ARL15: variants seen among roughly 807,000 people sequenced by gnomAD.
The protein encoded by ARL15 is ADP-ribosylation factor-like protein 15.
In ARL15, 19 loss-of-function variants were observed where a neutral mutation model predicts 25.2. The ratio of observed to expected loss-of-function variants is 0.75; its 90% CI spans 0.53 to 1.10. The LOEUF (loss-of-function observed/expected upper bound fraction) is 1.10. Ranked by LOEUF, ARL15 falls within the 50% of genes least tolerant of loss-of-function variation. ARL15 has a pLI of 0.00. For synonymous variants in ARL15, 94 were observed against 86.8 expected, an observed-to-expected ratio of 1.08 and a Z score of -0.46; for missense variants, 220 against 246.0, an observed-to-expected ratio of 0.89 and a Z score of 0.71.
chr5:53,908,033 T>G (rs1745328990), intron 4 of ARL15, among the ~76,000 whole-genome samples: 1 of 152,190 alleles, frequency 6.6e-6, no homozygotes, highest in African/African-American at 2.4e-5. Context: ...GTCATAACTA[T>G]AGACAATAGT....
chr5:54,063,590 G>A (rs1751131533), intron 4 of ARL15, among the ~76,000 whole-genome samples: 1 of 152,096 alleles, frequency 6.6e-6, no homozygotes, highest in Non-Finnish European at 1.5e-5. Context: ...TGGTGTTGAG[G>A]AGCATGGATA....
chr5:54,029,339 C>CACT (rs1749896065), intron 4 of ARL15, among the ~76,000 whole-genome samples: 2 of 138,648 alleles, frequency 1.4e-5, no homozygotes, highest in African/African-American at 5.4e-5. Context: ...CCACTACCAC[C>CACT]ACCACCACCA....
chr5:54,256,348 A>G, intron 1 of ARL15, among the ~76,000 whole-genome samples: 1 of 150,212 alleles, frequency 6.7e-6, no homozygotes, highest in East Asian at 2.0e-4. Context: ...CAACCCTCCT[A>G]GCTTGAATCA....
At position 54,057,173 on chromosome 5, in the gene ARL15, A is replaced by C. The variant is rs191297148; in HGVS notation, c.462+56029T>G. Among the ~76,000 whole-genome samples, 176 of 152,308 alleles carry C rather than the reference A, an allele frequency of 1.2e-3. 1 individual carries two copies. Among genetic ancestry groups the C allele is most frequent in the African/African-American group, 3.9e-3 (162 of 41,564 alleles). On this transcript the variant is annotated intron_variant, in intron 4 of 4. Coordinates refer to ENST00000504924, the MANE Select transcript of ARL15 (RefSeq NM_019087.3). Reference sequence around the variant, plus strand: ...CATCTTATAAATATCAGTGGGTACAATAATGTAGGATATTTAGGAATAAAA... The same window carrying C: ...CATCTTATAAATATCAGTGGGTACACTAATGTAGGATATTTAGGAATAAAA...
At chr5:54,094,014 G>C (rs1308262253) in intron 4 of ARL15, among the ~76,000 whole-genome samples, 7 of 152,182 alleles carry the variant, frequency 4.6e-5, no homozygotes, top group Non-Finnish European at 2.9e-5. Context: ...TTTAGTCTGA[G>C]AAACAACTCG....
chr5:54,146,412 T>C (rs1753912994), intron 3 of ARL15, among the ~76,000 whole-genome samples: 1 of 152,142 alleles, frequency 6.6e-6, no homozygotes, highest in South Asian at 2.1e-4. Context: ...CTTCGACTGC[T>C]GGAAAAAAAA....
intron 3 of ARL15, among the ~76,000 whole-genome samples, chr5:54,138,822 A>C (rs1291789940): frequency 6.6e-6 from 1 of 152,196 alleles, no homozygotes; most frequent in African/African-American, 2.4e-5. Flanking sequence ...ACAAATCAGC[A>C]AGAAAAAAAC....
chr5:53,925,270 C>T (rs894601426), intron 4 of ARL15, among the ~76,000 whole-genome samples: 4 of 151,784 alleles, frequency 2.6e-5, no homozygotes, highest in South Asian at 2.1e-4. Flanking sequence ...AATCATGGCT[C>T]ACTGCAGCCT....
intron 4 of ARL15, among the ~76,000 whole-genome samples, chr5:54,072,449 C>A (rs1210401173): frequency 6.6e-6 from 1 of 152,164 alleles, no homozygotes; most frequent in African/African-American, 2.4e-5. Flanking sequence ...GCACAAAAAA[C>A]AAGGACATAG....
intron 4 of ARL15, among the ~76,000 whole-genome samples, chr5:54,017,474 T>C (rs1290033118): frequency 6.6e-6 from 1 of 152,040 alleles, no homozygotes; most frequent in Middle Eastern, 3.4e-3. Flanking sequence ...TCTAGGCTAT[T>C]ATGATAACTT....
intron 4 of ARL15, among the ~76,000 whole-genome samples, chr5:53,939,122 CATT>C (rs1428347084): frequency 2.0e-5 from 3 of 152,306 alleles, no homozygotes; most frequent in Admixed American, 2.0e-4. Flanking sequence ...TTTCAAGCAT[CATT>C]AATTGATTAG....
intron 4 of ARL15, among the ~76,000 whole-genome samples, chr5:54,023,235 G>A (rs1219214055): frequency 6.6e-6 from 1 of 152,004 alleles, no homozygotes; most frequent in East Asian, 1.9e-4. Context: ...ACACAAATAG[G>A]CTGTTAAAGA....
chr5:54,261,587 T>C (rs1172122211), intron 1 of ARL15, among the ~76,000 whole-genome samples: 1 of 151,260 alleles, frequency 6.6e-6, no homozygotes, highest in East Asian at 1.9e-4. Context: ...GAAGTCTGGG[T>C]TTTATTATTA....
intron 4 of ARL15, among the ~76,000 whole-genome samples, chr5:53,944,929 A>G (rs1746675222): frequency 6.6e-6 from 1 of 152,232 alleles, no homozygotes; most frequent in Admixed American, 6.5e-5. Flanking sequence ...AGGCCAATAT[A>G]GGTTCAATAC....
intron 4 of ARL15, among the ~76,000 whole-genome samples, chr5:54,051,925 G>A (rs961918875): frequency 1.3e-5 from 2 of 152,084 alleles, no homozygotes; most frequent in Non-Finnish European, 2.9e-5. Context: ...TACACAAACT[G>A]CAGTATAGCT....
At chr5:54,145,943 T>C (rs60788999) in intron 3 of ARL15, among the ~76,000 whole-genome samples, 3,820 of 152,266 alleles carry the variant, frequency 0.025, 134 homozygotes, top group African/African-American at 0.081. Flanking sequence ...TGTATCTCCA[T>C]GACTTTTGTC....
chr5:54,029,320 C>CACCAA (rs1561194967), intron 4 of ARL15, among the ~76,000 whole-genome samples: 11 of 115,766 alleles, frequency 9.5e-5, no homozygotes, highest in East Asian at 2.4e-4. Context: ...ACCACCACCA[C>CACCAA]CACCACCACC....
chr5:54,097,075 C>T (rs941242921), intron 4 of ARL15, among the ~76,000 whole-genome samples: 4 of 152,030 alleles, frequency 2.6e-5, no homozygotes, highest in Non-Finnish European at 5.9e-5. Context: ...TTATGTCTAA[C>T]ACAGGCCGGG....
intron 4 of ARL15, among the ~76,000 whole-genome samples, chr5:53,962,042 T>C (rs1747388865): frequency 6.6e-6 from 1 of 152,162 alleles, no homozygotes; most frequent in South Asian, 2.1e-4. Flanking sequence ...TTAATGAACA[T>C]CTTTGTACAT....
Sources: allele counts gnomAD v4.1 joint callset (sites outside exome capture counted in the v4.1 genomes callset), GRCh38; gene constraint gnomAD v4.1.1; transcripts MANE v1.5; gene names NCBI Gene and HGNC (gene_info 2026-07-23, HGNC 2026-07-21).